Variants in SELP observed in about 807,000 individuals in gnomAD.
SELP encodes the protein P-selectin.
In SELP, 92 loss-of-function variants were observed where a neutral mutation model predicts 104.1. The ratio of observed to expected loss-of-function variants is 0.88; its 90% CI spans 0.75 to 1.05. The LOEUF (loss-of-function observed/expected upper bound fraction) is 1.05, where lower values mean the gene tolerates loss of function less well. SELP is among the 50% of genes least tolerant of loss of function. The pLI, the probability that SELP is intolerant of heterozygous loss-of-function variation, is 0.00. For synonymous variants in SELP, 397 were observed against 364.5 expected, an observed-to-expected ratio of 1.09 and a Z score of -1.01; for missense variants, 1,022 against 1,017.3, an observed-to-expected ratio of 1.00 and a Z score of -0.06.
At chr1:169,611,214 T>G (rs961811662) in intron 7 of SELP, among the ~76,000 whole-genome samples, 1 of 152,152 alleles carries the variant, frequency 6.6e-6, no homozygotes, top group Admixed American at 6.5e-5. Context: ...TAGGACATGG[T>G]CCTATACCTC....
At chr1:169,609,476 C>T (rs369562006) in intron 8 of SELP, 28 bp downstream of exon 8, 12 of 1,593,602 alleles carry the variant, frequency 7.5e-6, no homozygotes, top group Admixed American at 1.7e-5. Context: ...CTGAGACACA[C>T]AGAAAAACAT....
At chr1:169,617,557 GTTGT>G (rs1662884802) in intron 2 of SELP, 143 bp from the exon 3 acceptor site, 1 of 828,948 alleles carries the variant, frequency 1.2e-6, no homozygotes, top group African/African-American at 1.7e-5. Context: ...GTCTAATGTA[GTTGT>G]TTGAAGGAAA....
intron 10 of SELP, among the ~76,000 whole-genome samples, chr1:169,602,824 A>T (rs933494416): frequency 1.3e-5 from 2 of 152,164 alleles, no homozygotes; most frequent in African/African-American, 4.8e-5. Context: ...GTTGGCCAGG[A>T]TGTTCTTGAA....
At chr1:169,616,874 G>A (rs930383675) in intron 3 of SELP, among the ~76,000 whole-genome samples, 154 bp downstream of exon 3, 7 of 151,762 alleles carry the variant, frequency 4.6e-5, no homozygotes, top group African/African-American at 1.7e-4. Context: ...TATTCTTCAA[G>A]GTGCTCAATA....
intron 2 of SELP, among the ~76,000 whole-genome samples, chr1:169,618,579 C>G (rs1020786252): frequency 6.6e-6 from 1 of 152,156 alleles, no homozygotes; most frequent in African/African-American, 2.4e-5. Context: ...TTGTTTCTAT[C>G]CAACCCTCTC....
At chr1:169,624,824 G>A (rs563736787) in intron 1 of SELP, among the ~76,000 whole-genome samples, 11 of 152,238 alleles carry the variant, frequency 7.2e-5, no homozygotes, top group African/African-American at 9.6e-5. Context: ...AGAAGCAAAT[G>A]CCTTGACCTA....
intron 1 of SELP, among the ~76,000 whole-genome samples, chr1:169,627,340 A>T (rs1007023620): frequency 6.6e-6 from 1 of 152,216 alleles, no homozygotes; most frequent in Middle Eastern, 3.2e-3. Context: ...AATATAGACA[A>T]GAAGGGACCC....
intron 7 of SELP, among the ~76,000 whole-genome samples, chr1:169,610,700 A>T (rs1662477315): frequency 6.6e-6 from 1 of 152,076 alleles, no homozygotes; most frequent in Admixed American, 6.6e-5. Context: ...AATCGTTTGA[A>T]CCTGGGAGGC....
chr1:169,630,016 T>A, intron 1 of SELP, 56 bp downstream of exon 1: 4 of 1,611,820 alleles, frequency 2.5e-6, no homozygotes, highest in Non-Finnish European at 3.4e-6. Flanking sequence ...CTGACTTTAC[T>A]CCATACCACT....
chr1:169,597,327 A>C, intron 10 of SELP, 151 bp from the exon 11 acceptor site: 6 of 623,278 alleles, frequency 9.6e-6, no homozygotes, highest in Non-Finnish European at 1.6e-5. Context: ...ACAACATATC[A>C]TGTAGGTCAT....
chr1:169,617,116 G>T lies in SELP; in HGVS notation c.393C>A (p.Cys131Ter). The T allele has an allele frequency of 2.5e-6, 4 of 1,613,772 alleles. No homozygotes were observed. The highest frequency in any genetic ancestry group is 3.4e-6 in the Non-Finnish European group (4 of 1,179,914). ...ACGGACTCTTGATGTATATCTCCACGCAGTCCTCGTTGTTCCTTTTGTTGT... is the reference window on the plus strand; with the variant it reads ...ACGGACTCTTGATGTATATCTCCACTCAGTCCTCGTTGTTCCTTTTGTTGT... ...EPNNKRNNED[C>*]VEIYIKSPSA... Residue 131 changes from cysteine to a stop codon, truncating the protein, a stop_gained, in exon 3 of 17, where the codon TGC becomes TGA. Coordinates refer to ENST00000263686, the MANE Select transcript of SELP (RefSeq NM_003005.4). LOFTEE classifies it high-confidence loss of function.
At chr1:169,617,690 A>G (rs1662892826) in intron 2 of SELP, among the ~76,000 whole-genome samples, 1 of 152,152 alleles carries the variant, frequency 6.6e-6, no homozygotes. Flanking sequence ...GTTAGGAGGG[A>G]CCCTGGAAGT....
At chr1:169,603,275 G>C in intron 9 of SELP, 64 bp from the exon 10 acceptor site, 1 of 1,411,418 alleles carries the variant, frequency 7.1e-7, no homozygotes. Context: ...CCTGAACTCT[G>C]TAACTCTCTC....
rs765939316 is a variant in SELP, at chr1:169,597,164, G to C, written c.1718C>G (p.Pro573Arg). The change falls in exon 11 of 17, where the codon CCA (proline) becomes CGA (arginine). Residue 573 changes from proline (P) to arginine (R), a missense_variant. By Grantham distance (103) the Pro-to-Arg change is moderately radical (BLOSUM62 -2). Transcript: ENST00000263686. ...SPPMCEAIKC[P>R]ELFAPEQGSL... ...GCCCTGCTCTGGGGCAAAGAGTTCT[G>C]GGCACTTGATGGCTAGAGTATCAAA... 1 of 1,595,206 alleles carries C rather than the reference G, an allele frequency of 6.3e-7. No homozygotes were observed. The highest frequency in any genetic ancestry group is 1.4e-5 in the African/African-American group (1 of 72,722).
intron 1 of SELP, among the ~76,000 whole-genome samples, chr1:169,629,164 A>G (rs1663518197): frequency 6.6e-6 from 1 of 152,224 alleles, no homozygotes; most frequent in African/African-American, 2.4e-5. Context: ...ATCTAGGTGC[A>G]TATAACATTG....
chr1:169,592,907 C>T (rs1661417836), intron 14 of SELP, among the ~76,000 whole-genome samples: 1 of 152,190 alleles, frequency 6.6e-6, no homozygotes, highest in African/African-American at 2.4e-5. Context: ...TGATTTTACA[C>T]TTTCATGTCT....
At chr1:169,624,811 G>A (rs997771305) in intron 1 of SELP, among the ~76,000 whole-genome samples, 7 of 152,236 alleles carry the variant, frequency 4.6e-5, no homozygotes, top group African/African-American at 1.7e-4. Context: ...GAGAGAAAGT[G>A]GAAGAAGCAA....
chr1:169,595,455 G>T (rs897284129), intron 12 of SELP, among the ~76,000 whole-genome samples: 1 of 152,304 alleles, frequency 6.6e-6, no homozygotes, highest in South Asian at 2.1e-4. Context: ...GCTATGTTTT[G>T]TGGGGGATAC....
rs3917769 is a variant in SELP, at chr1:169,603,107, C to T, written c.1624G>A (p.Glu542Lys). The change falls in exon 10 of 17, where the codon GAG becomes AAG. Residue 542 changes from glutamate (E) to lysine (K), a missense_variant. Physicochemically the swap from Glu to Lys is moderately conservative, Grantham distance 56 (BLOSUM62 1). Transcript: ENST00000263686. The part of the protein sequence containing the change: ...YKSTCQFICD[E>K]GYSLSGPERL... ...TCTGGTCCAGACAAAGAATATCCCT[C>T]GTCACAGATGAATTGACATGTGGAT... 2,025 of 1,614,036 alleles carry T rather than the reference C, an allele frequency of 1.3e-3. 16 individuals carry two copies. The African/African-American group carries it at 0.02, about 16-fold the overall frequency.
Sources: allele counts gnomAD v4.1 joint callset (sites outside exome capture counted in the v4.1 genomes callset), GRCh38; gene constraint gnomAD v4.1.1; transcripts MANE v1.5; gene names NCBI Gene and HGNC (gene_info 2026-07-23, HGNC 2026-07-21).